ZNF709: variants seen among roughly 807,000 people sequenced by gnomAD.
The protein encoded by ZNF709 is zinc finger protein 709.
ZNF709 carries 15 observed loss-of-function variants against 10.6 expected under a neutral mutation model. The observed-to-expected ratio is 1.41, with a 90% CI of 0.95 to 2.18. The LOEUF is 2.18. ZNF709 is among the 30% of genes most tolerant of loss of function. The probability of loss-of-function intolerance (pLI) is 0.00; values close to 1 mark genes in which losing one functional copy is unlikely to be tolerated. For synonymous variants in ZNF709, 194 were observed against 238.8 expected (o/e 0.81, Z 1.73); for missense variants, 589 against 774.0 (o/e 0.76, Z 2.84).
In ZNF709 at chr19:12,465,464, C is replaced by T. The variant is rs770157844; in HGVS notation, c.458G>A (p.Ser153Asn). Residue 153 changes from serine to asparagine, a missense_variant, in exon 4 of 4, where the codon AGT becomes AAT. Transcript: ENST00000397732. The stretch of plus-strand genomic sequence containing the variant: ...AGTTCTTTCATGTATTCGAAATGAA[C>T]TTCGAAAGCTGAATCTTTTCCCACA... ...KECGKRFSFR[S>N]SFRIHERTHT... 3.7e-6 allele frequency: 6 copies of T among 1,610,134 alleles called. No homozygotes were observed. Among genetic ancestry groups the T allele is most frequent in the South Asian group, 2.2e-5 (2 of 90,168 alleles).
rs577403003 is a variant in ZNF709, at chr19:12,479,234, T to C, written c.3+5421A>G. On this transcript the variant is annotated intron_variant, in intron 1 of 3. Coordinates refer to ENST00000397732, the MANE Select transcript of ZNF709 (RefSeq NM_152601.4). ...GGGAAGATCACTTGAGCCCAGGAGGTTGAGGCTGCAATGAGCTATCATCAT... is the reference window on the plus strand; with the variant it reads ...GGGAAGATCACTTGAGCCCAGGAGGCTGAGGCTGCAATGAGCTATCATCAT... 4.6e-5 allele frequency among the ~76,000 whole-genome samples: 7 copies of C among 151,748 alleles called. No homozygotes were observed. In the South Asian group the frequency reaches 6.3e-4, roughly 14 times the overall value.
In ZNF709 at chr19:12,464,407, T is replaced by C. The variant is rs1314449058; in HGVS notation, c.1515A>G (p.Glu505=). ...TGAAGGCTTTACCACATTGTTTACA[T>C]TCATAGGGTTTCTCTCCAGTGTGAG... ...ERTHTGEKPY[E]CKQCGKAFSC... Residue 505 remains glutamate, a synonymous_variant, in exon 4 of 4, where the codon GAA becomes GAG. Transcript: ENST00000397732. 2.5e-6 allele frequency: 4 copies of C among 1,612,818 alleles called. No individual in the cohort carries two copies. Among genetic ancestry groups the C allele is most frequent in the Admixed American group, 1.7e-5 (1 of 59,810 alleles).
At position 12,465,105 on chromosome 19, in the gene ZNF709, T is replaced by TC. The variant is rs771549272; in HGVS notation, c.816dup (p.Thr273AspfsTer11). Reference sequence around the variant, plus strand: ...TGATAGGGTTTTTCCCCAGTGTGAGTCCTTTCATGTATTTGAAAAGTTTGG... The same window carrying TC: ...TGATAGGGTTTTTCCCCAGTGTGAGTCCCTTTCATGTATTTGAAAAGTTTGG... On this transcript the variant is annotated frameshift_variant, in exon 4 of 4. Transcript: ENST00000397732. LOFTEE classifies it low-confidence loss of function (END_TRUNC). 6.2e-7 allele frequency: 1 copy of TC among 1,612,630 alleles called. No homozygotes were observed. Among genetic ancestry groups the TC allele is most frequent in the East Asian group, 2.2e-5 (1 of 44,858 alleles).
chr19:12,484,607 A>C, intron 1 of ZNF709, 48 bp downstream of exon 1: 1 of 1,608,598 alleles, frequency 6.2e-7, no homozygotes, highest in Non-Finnish European at 8.5e-7. Flanking sequence ...GGCCGGTTTC[A>C]ACCCGCCCCT....
intron 1 of ZNF709, among the ~76,000 whole-genome samples, chr19:12,476,005 A>G (rs572955467): frequency 1.2e-3 from 176 of 152,228 alleles, no homozygotes; most frequent in Middle Eastern, 3.2e-3. Flanking sequence ...AAAACTGAAC[A>G]TCCACATGCA....
At chr19:12,481,644 A>G (rs1346910228) in intron 1 of ZNF709, among the ~76,000 whole-genome samples, 2 of 152,178 alleles carry the variant, frequency 1.3e-5, no homozygotes, top group African/African-American at 4.8e-5. Context: ...GAATAACATT[A>G]AAAAGTGTTA....
chr19:12,482,279 C>A lies in ZNF709; in HGVS notation c.3+2376G>T, dbSNP rs539005632. ...CCACAATTCAGAAGGAAAACCCACA[C>A]TCAGAAAGCTAAACACATACACAAG... On this transcript the variant is annotated intron_variant, in intron 1 of 3. Coordinates refer to ENST00000397732, the MANE Select transcript of ZNF709 (RefSeq NM_152601.4). 1.3e-4 allele frequency among the ~76,000 whole-genome samples: 20 copies of A among 152,208 alleles called. No homozygotes were observed. In the East Asian group the frequency reaches 3.3e-3, roughly 25 times the overall value.
In ZNF709 at chr19:12,465,305, A is replaced by G; in HGVS notation, c.617T>C (p.Ile206Thr). ...YECKECGKAF[I>T]YHTTFRGHMR... The stretch of plus-strand genomic sequence containing the variant: ...GTGTCCTCGAAAGGTTGTGTGATAA[A>G]TGAAGGCCTTCCCACATTCCTTACA... The change falls in exon 4 of 4, where the codon ATT (isoleucine) becomes ACT (threonine). Residue 206 changes from isoleucine (I) to threonine (T), a missense_variant. Transcript: ENST00000397732. 1 of 1,612,154 alleles carries G rather than the reference A, an allele frequency of 6.2e-7. No individual in the cohort carries two copies. Among genetic ancestry groups the G allele is most frequent in the East Asian group, 2.2e-5 (1 of 44,798 alleles).
intron 1 of ZNF709, among the ~76,000 whole-genome samples, chr19:12,471,226 G>C (rs1970632388): frequency 6.6e-6 from 1 of 152,034 alleles, no homozygotes; most frequent in African/African-American, 2.4e-5. Flanking sequence ...CACCAACTAT[G>C]ACTAAATAAG....
At chr19:12,466,933 T>C (rs190189754) in intron 1 of ZNF709, 83 bp from the exon 2 acceptor site, 14 of 1,499,884 alleles carry the variant, frequency 9.3e-6, no homozygotes, top group East Asian at 7.2e-5. Context: ...AAAGTTCATA[T>C]ATAATTTTCT....
Position 12,466,747 on chromosome 19 carries a change from G to T in ZNF709, c.107C>A (p.Thr36Asn). 1 of 1,613,870 alleles carries T rather than the reference G, an allele frequency of 6.2e-7. No individual in the cohort carries two copies. ...ACCTATAGAGGCCAAGTTAACAAAG[G>T]TTTCTTGCATCACATCTCTGTAGAG... ...KKLYRDVMQETFVNLASIGEN... is the reference protein window; with the variant it reads ...KKLYRDVMQENFVNLASIGEN... The change falls in exon 2 of 4, where the codon ACC becomes AAC. Residue 36 changes from threonine to asparagine, a missense_variant. Coordinates refer to ENST00000397732, the MANE Select transcript of ZNF709 (RefSeq NM_152601.4).
chr19:12,484,662 C>T lies in ZNF709; in HGVS notation c.-5G>A, dbSNP rs756298771. 6.2e-7 allele frequency: 1 copy of T among 1,613,972 alleles called. No homozygotes were observed. The highest frequency in any genetic ancestry group is 1.3e-5 in the African/African-American group (1 of 74,930). On this transcript the variant is annotated 5_prime_UTR_variant, in exon 1 of 4. Transcript: ENST00000397732. ...CCAGCCCCGCACACTTACCATTTCC[C>T]AGACTCTGGGATGTCCTGGTGTTCT...
Position 12,477,222 on chromosome 19 carries a change from C to T in ZNF709, c.3+7433G>A, listed in dbSNP as rs74729790. On this transcript the variant is annotated intron_variant, in intron 1 of 3. Coordinates refer to ENST00000397732, the MANE Select transcript of ZNF709 (RefSeq NM_152601.4). The stretch of plus-strand genomic sequence containing the variant: ...GAAAGGCCAAACTGTACTTTTAAAA[C>T]GAGAAGCACGGGGAATAATCACTTC... Among the ~76,000 whole-genome samples the T allele has an allele frequency of 5.5e-4, 84 of 152,256 alleles. No homozygotes were observed. The East Asian group carries it at 0.012, about 21-fold the overall frequency.
Position 12,465,137 on chromosome 19 carries a change from C to G in ZNF709, c.785G>C (p.Arg262Thr). The G allele has an allele frequency of 1.2e-6, 2 of 1,612,112 alleles. No homozygotes were observed. The highest frequency in any genetic ancestry group is 1.7e-6 in the Non-Finnish European group (2 of 1,179,362). ...ATGTATTTGAAAAGTTTGGTAATATCTGAAAGCTTTTCCACATTGTTTACA... is the reference window on the plus strand; with the variant it reads ...ATGTATTTGAAAAGTTTGGTAATATGTGAAAGCTTTTCCACATTGTTTACA... ...YECKQCGKAFRYYQTFQIHER... is the reference protein window; with the variant it reads ...YECKQCGKAFTYYQTFQIHER... Residue 262 changes from arginine to threonine, a missense_variant, in exon 4 of 4, where the codon AGA becomes ACA. This residue lies in a region of ZNF709 where 418 missense variants were observed against 496.3 expected (regional missense o/e 0.84). Transcript: ENST00000397732.
At chr19:12,469,753 A>T (rs1052777302) in intron 1 of ZNF709, among the ~76,000 whole-genome samples, 1 of 152,118 alleles carries the variant, frequency 6.6e-6, no homozygotes, top group Non-Finnish European at 1.5e-5. Flanking sequence ...TGGGTGACAG[A>T]GCAAGACTCT....
chr19:12,466,678 C>T, intron 2 of ZNF709, 46 bp downstream of exon 2: 1 of 1,613,514 alleles, frequency 6.2e-7, no homozygotes, highest in South Asian at 1.1e-5. Context: ...GAGCAAGAAA[C>T]ACTTGTTCTC....
At position 12,464,795 on chromosome 19, in the gene ZNF709, G is replaced by A; in HGVS notation, c.1127C>T (p.Pro376Leu). The change falls in exon 4 of 4, where the codon CCT becomes CTT. Residue 376 changes from proline (P) to leucine (L), a missense_variant. This residue lies in a region of ZNF709 where 418 missense variants were observed against 496.3 expected (regional missense o/e 0.84). Transcript: ENST00000397732. ...CKECGKAFDC[P>L]SSFQIHERTH... ...TCGTTCATGGATTTGAAAAGAACTA[G>A]GACAATCAAAGGCTTTCCCACATTC... is the stretch of plus-strand genomic sequence containing the variant. The A allele has an allele frequency of 6.2e-7, 1 of 1,613,562 alleles. No homozygotes were observed. Among genetic ancestry groups the A allele is most frequent in the South Asian group, 1.1e-5 (1 of 90,992 alleles).
At chr19:12,468,048 A>AG (rs1970597623) in intron 1 of ZNF709, among the ~76,000 whole-genome samples, 1 of 148,704 alleles carries the variant, frequency 6.7e-6, no homozygotes, top group African/African-American at 2.5e-5. Flanking sequence ...CCGCCCGGCC[A>AG]GCCGTCCCGT....
intron 1 of ZNF709, among the ~76,000 whole-genome samples, chr19:12,480,285 G>GTGAGA (rs1464827376): frequency 6.6e-6 from 1 of 152,146 alleles, no homozygotes; most frequent in Non-Finnish European, 1.5e-5. Context: ...ACACTGGGAG[G>GTGAGA]TGCTATTGGG....
Sources: gnomAD v4.1 joint callset for allele counts (sites outside exome capture counted in the v4.1 genomes callset) on GRCh38, gnomAD v4.1.1 for gene constraint, gnomAD v4.1.1 regional missense constraint, MANE v1.5 for transcripts, NCBI Gene and HGNC (gene_info 2026-07-23, HGNC 2026-07-21) for gene names.